The following EPHA3 variants were observed in gnomAD, a reference collection of about 807,000 sequenced individuals.
EPHA3 encodes the protein EPH receptor A3.
In EPHA3, 42 loss-of-function variants were observed where a neutral mutation model predicts 107.1. That is an observed-to-expected ratio of 0.39 (90% confidence interval 0.31 to 0.51). The LOEUF (loss-of-function observed/expected upper bound fraction) is 0.51, where lower values mean the gene tolerates loss of function less well. Among genes scored for constraint, EPHA3 ranks in the 20% least tolerant of loss-of-function variants. EPHA3 has a pLI of 0.78. For synonymous variants in EPHA3, 461 were observed against 424.8 expected, an observed-to-expected ratio of 1.09 and a Z score of -1.05; for missense variants, 1,183 against 1,211.2, an observed-to-expected ratio of 0.98 and a Z score of 0.35.
chr3:89,286,425 C>T (rs376912780), intron 3 of EPHA3, among the ~76,000 whole-genome samples: 19 of 151,896 alleles, frequency 1.3e-4, no homozygotes, highest in South Asian at 2.1e-4. Context: ...TGGAATTAAA[C>T]GGTACATTGG....
chr3:89,108,015 A>T (rs1474241644), intron 1 of EPHA3, among the ~76,000 whole-genome samples, 179 bp downstream of exon 1: 1 of 152,078 alleles, frequency 6.6e-6, no homozygotes, highest in Admixed American at 6.5e-5. Flanking sequence ...ACTTCAGGAG[A>T]TAATTTTAGA....
chr3:89,424,349 A>G (rs1488265134), intron 11 of EPHA3, among the ~76,000 whole-genome samples: 1 of 151,454 alleles, frequency 6.6e-6, no homozygotes, highest in African/African-American at 2.4e-5. Flanking sequence ...TTAGCACATC[A>G]TACATAGAAA....
chr3:89,120,504 A>T (rs140640636), intron 1 of EPHA3, among the ~76,000 whole-genome samples: 127 of 152,330 alleles, frequency 8.3e-4, no homozygotes, highest in Non-Finnish European at 1.4e-3. Context: ...TGATATCTTG[A>T]TACCTGTTTG....
At chr3:89,413,785 A>G (rs1709198292) in intron 10 of EPHA3, among the ~76,000 whole-genome samples, 2 of 151,724 alleles carry the variant, frequency 1.3e-5, no homozygotes, top group South Asian at 4.1e-4. Flanking sequence ...CTTATGTGTT[A>G]AAGCTTTTTT....
At chr3:89,111,741 C>A (rs1204291924) in intron 1 of EPHA3, among the ~76,000 whole-genome samples, 1 of 152,016 alleles carries the variant, frequency 6.6e-6, no homozygotes, top group African/African-American at 2.4e-5. Context: ...AAAATTAATT[C>A]ATTCTGAATC....
chr3:89,342,950 C>T (rs1707565499), intron 5 of EPHA3, among the ~76,000 whole-genome samples: 1 of 151,876 alleles, frequency 6.6e-6, no homozygotes, highest in African/African-American at 2.4e-5. Context: ...CTCTGATTCT[C>T]CAGAGAACTA....
At chr3:89,286,118 A>ATGTGTG (rs1373393002) in intron 3 of EPHA3, among the ~76,000 whole-genome samples, 1 of 99,652 alleles carries the variant, frequency 1.0e-5, no homozygotes, top group Non-Finnish European at 2.1e-5. Flanking sequence ...ATCAATTTCT[A>ATGTGTG]CGTGTGTGTG....
intron 13 of EPHA3, among the ~76,000 whole-genome samples, chr3:89,446,883 A>T (rs1193910790): frequency 6.6e-6 from 1 of 152,166 alleles, no homozygotes; most frequent in East Asian, 1.9e-4. Context: ...TAGAAAAATG[A>T]CAAGTGTCTA....
chr3:89,220,064 G>C (rs140854555), intron 3 of EPHA3, among the ~76,000 whole-genome samples: 3 of 152,084 alleles, frequency 2.0e-5, no homozygotes, highest in Non-Finnish European at 2.9e-5. Context: ...GGCACCTCCT[G>C]TTTAGATGCC....
At chr3:89,338,615 C>A (rs533765698) in intron 3 of EPHA3, among the ~76,000 whole-genome samples, 1 of 152,336 alleles carries the variant, frequency 6.6e-6, no homozygotes, top group Admixed American at 6.5e-5. Context: ...GTGGCGCTAT[C>A]TGGGCTCACT....
At chr3:89,409,052 G>T (rs937733438) in intron 9 of EPHA3, among the ~76,000 whole-genome samples, 2 of 152,028 alleles carry the variant, frequency 1.3e-5, no homozygotes, top group Non-Finnish European at 2.9e-5. Context: ...TTGCTAACCT[G>T]CAGGAAGCAT....
At chr3:89,233,275 T>A (rs907282439) in intron 3 of EPHA3, among the ~76,000 whole-genome samples, 23 of 152,202 alleles carry the variant, frequency 1.5e-4, no homozygotes, top group African/African-American at 5.1e-4. Flanking sequence ...CATGGGTAAC[T>A]ATTTTTTAGT....
At chr3:89,363,681 CGT>C (rs148145691) in intron 5 of EPHA3, among the ~76,000 whole-genome samples, 85 of 147,310 alleles carry the variant, frequency 5.8e-4, no homozygotes, top group African/African-American at 1.7e-3. Context: ...GGTGTGTGTG[CGT>C]GTGTGTGTGT....
chr3:89,181,729 A>G (rs1412436276), intron 2 of EPHA3, among the ~76,000 whole-genome samples: 1 of 152,008 alleles, frequency 6.6e-6, no homozygotes, highest in Non-Finnish European at 1.5e-5. Context: ...TTCAAAAACT[A>G]ACAACTTTAA....
chr3:89,335,007 C>T (rs917694275), intron 3 of EPHA3, among the ~76,000 whole-genome samples: 4 of 152,162 alleles, frequency 2.6e-5, no homozygotes, highest in Admixed American at 2.6e-4. Flanking sequence ...CTCCAATTCT[C>T]AGGTGAGAAG....
chr3:89,242,461 G>A (rs544829491), intron 3 of EPHA3, among the ~76,000 whole-genome samples: 180 of 152,036 alleles, frequency 1.2e-3, no homozygotes, highest in Non-Finnish European at 2.2e-3. Flanking sequence ...TTTTTGAGAC[G>A]GAGTCTCACT....
intron 16 of EPHA3, among the ~76,000 whole-genome samples, chr3:89,478,556 A>C (rs1710563663): frequency 6.6e-6 from 1 of 152,166 alleles, no homozygotes; most frequent in Non-Finnish European, 1.5e-5. Flanking sequence ...ATTGTAGGCC[A>C]AGGTGCTTAC....
At chr3:89,205,109 A>G (rs1309830091) in intron 2 of EPHA3, among the ~76,000 whole-genome samples, 2 of 152,154 alleles carry the variant, frequency 1.3e-5, no homozygotes, top group Non-Finnish European at 2.9e-5. Flanking sequence ...CTATCTTGCA[A>G]TCTTAATATT....
intron 2 of EPHA3, among the ~76,000 whole-genome samples, chr3:89,194,315 C>A (rs752461614): frequency 3.3e-5 from 5 of 151,902 alleles, no homozygotes; most frequent in Non-Finnish European, 7.4e-5. Context: ...CTGTAACTGG[C>A]AAATCTCGTA....
Sources: gnomAD v4.1 joint callset for allele counts (sites outside exome capture counted in the v4.1 genomes callset) on GRCh38, gnomAD v4.1.1 for gene constraint, MANE v1.5 for transcripts, NCBI Gene and HGNC (gene_info 2026-07-23, HGNC 2026-07-21) for gene names.